Variants in DDX52 observed in about 807,000 individuals in gnomAD.
DDX52 encodes probable ATP-dependent RNA helicase DDX52.
A neutral mutation model predicts 76.1 loss-of-function variants in DDX52; 59 were observed. The ratio of observed to expected loss-of-function variants is 0.78; its 90% CI spans 0.63 to 0.96. The LOEUF is 0.96. DDX52 is among the 40% of genes least tolerant of loss of function. The pLI is 0.00. For missense variants in DDX52, 707 were observed against 703.9 expected (o/e 1.00, Z -0.05); for synonymous variants, 231 against 244.1 (o/e 0.95, Z 0.50).
Position 37,614,365 on chromosome 17 carries a change from AAAGT to A in DDX52, c.1743-16_1743-13del. The A allele has an allele frequency of 1.2e-6, 2 of 1,604,626 alleles. No homozygotes were observed. Among genetic ancestry groups the A allele is most frequent in the Non-Finnish European group, 1.7e-6 (2 of 1,177,468 alleles). On this transcript the variant is annotated splice_polypyrimidine_tract_variant and intron_variant, in intron 14 of 14. Transcript: ENST00000617633. Reference sequence around the variant, plus strand: ...CAGTGACCTTTTTCCTGTAAAGAGCAAAGTAAGAAAAATTGAATAAAAAATTCTA... The same window carrying A: ...CAGTGACCTTTTTCCTGTAAAGAGCAAAGAAAAATTGAATAAAAAATTCTA...
intron 6 of DDX52, 128 bp downstream of exon 6, chr17:37,628,433 G>C (rs1027362356): frequency 2.7e-6 from 2 of 730,366 alleles, no homozygotes; most frequent in African/African-American, 3.6e-5. Context: ...GATCGCTTTA[G>C]TTCTTCTAAA....
intron 14 of DDX52, among the ~76,000 whole-genome samples, 193 bp from the exon 15 acceptor site, chr17:37,614,546 C>G (rs1224228024): frequency 6.6e-6 from 1 of 152,186 alleles, no homozygotes; most frequent in Non-Finnish European, 1.5e-5. Flanking sequence ...TGAGGCAGAA[C>G]CATCACAGTA....
At chr17:37,628,915 T>C (rs1277407851) in intron 5 of DDX52, among the ~76,000 whole-genome samples, 2 of 152,188 alleles carry the variant, frequency 1.3e-5, no homozygotes, top group Non-Finnish European at 2.9e-5. Context: ...TTTTGTATTG[T>C]TTTCAGAATA....
chr17:37,616,564 A>G (rs2064428536), intron 14 of DDX52, among the ~76,000 whole-genome samples: 2 of 151,864 alleles, frequency 1.3e-5, no homozygotes, highest in African/African-American at 4.8e-5. Context: ...CTGAGGCACG[A>G]GAATCACTTG....
intron 6 of DDX52, among the ~76,000 whole-genome samples, chr17:37,628,113 G>A (rs2030482499): frequency 6.6e-6 from 1 of 152,106 alleles, no homozygotes; most frequent in Non-Finnish European, 1.5e-5. Context: ...CTGTCTGCCA[G>A]AGTATTTCCA....
chr17:37,628,703 G>A (rs754668811), intron 5 of DDX52, 31 bp from the exon 6 acceptor site: 1 of 1,484,910 alleles, frequency 6.7e-7, no homozygotes, highest in Admixed American at 2.0e-5. Flanking sequence ...AACATTAGCT[G>A]CTAACATACT....
chr17:37,633,278 T>C lies in DDX52; in HGVS notation c.417+10A>G, dbSNP rs747895164. On this transcript the variant is annotated intron_variant, in intron 3 of 14. Coordinates refer to ENST00000617633, the MANE Select transcript of DDX52 (RefSeq NM_007010.5). ...TATATATACTTTTGGCCCCAAAATATTTTTCTAACCTTTTCTTTTCTGAGA... is the reference window on the plus strand; with the variant it reads ...TATATATACTTTTGGCCCCAAAATACTTTTCTAACCTTTTCTTTTCTGAGA... 5.6e-6 allele frequency: 9 copies of C among 1,595,860 alleles called. No homozygotes were observed. The South Asian group carries it at 8.0e-5, about 14-fold the overall frequency.
Position 37,630,125 on chromosome 17 carries a change from C to A in DDX52, c.652G>T (p.Ala218Ser). Residue 218 changes from alanine (A) to serine (S), a missense_variant, in exon 5 of 15, where the codon GCT becomes TCT. Transcript: ENST00000617633. ...SAPTGSGKTL[A>S]FSIPILMQLK... Reference sequence around the variant, plus strand: ...TGCATTAAAATAGGAATGCTAAAAGCTAATGTTTTTCCAGATCCAGTTGGA... The same window carrying A: ...TGCATTAAAATAGGAATGCTAAAAGATAATGTTTTTCCAGATCCAGTTGGA... The A allele has an allele frequency of 6.2e-7, 1 of 1,613,798 alleles. No homozygotes were observed. The highest frequency in any genetic ancestry group is 8.5e-7 in the Non-Finnish European group (1 of 1,179,932).
Position 37,610,051 on chromosome 17 carries a change from C to G in DDX52, c.*4245G>C, listed in dbSNP as rs1405571068. On this transcript the variant is annotated 3_prime_UTR_variant, in exon 15 of 15. Coordinates refer to ENST00000617633, the MANE Select transcript of DDX52 (RefSeq NM_007010.5). ...AGTCCTTTTGTTTTTCCTATTCTTGCAGGCAAGTGCAAAACAGTGGTTTTT... is the reference window on the plus strand; with the variant it reads ...AGTCCTTTTGTTTTTCCTATTCTTGGAGGCAAGTGCAAAACAGTGGTTTTT... The G allele has an allele frequency of 6.6e-6, 1 of 152,190 alleles. No homozygotes were observed. The highest frequency in any genetic ancestry group is 1.9e-4 in the East Asian group (1 of 5,204). 9.4% of individuals were successfully genotyped at this position (152,190 alleles called of 1,614,324 possible).
rs2030600924 is a variant in DDX52 at position 37,630,068 on chromosome 17, C to A, written c.709G>T (p.Ala237Ser). ...TCTCGTGTTGGTGATATAATCAGGG[C>A]TCTGAAGCCTTTATTTGCGGGTTGT... The part of the protein sequence containing the change: ...LKQPANKGFR[A>S]LIISPTRELA... The change falls in exon 5 of 15, where the codon GCC becomes TCC. Residue 237 changes from alanine (A) to serine (S), a missense_variant. Physicochemically the swap from Ala to Ser is moderately conservative, Grantham distance 99. Coordinates refer to ENST00000617633, the MANE Select transcript of DDX52 (RefSeq NM_007010.5). The A allele has an allele frequency of 1.2e-6, 2 of 1,613,794 alleles. No individual in the cohort carries two copies. The highest frequency in any genetic ancestry group is 8.5e-7 in the Non-Finnish European group (1 of 1,179,970).
At chr17:37,623,848 A>G (rs972216180) in intron 9 of DDX52, among the ~76,000 whole-genome samples, 1 of 152,206 alleles carries the variant, frequency 6.6e-6, no homozygotes, top group Non-Finnish European at 1.5e-5. Context: ...GGCAGGGCTT[A>G]GGAGATTTCT....
chr17:37,621,540 G>C lies in DDX52; in HGVS notation c.1228-20C>G. 1 of 1,595,952 alleles carries C rather than the reference G, an allele frequency of 6.3e-7. No homozygotes were observed. The highest frequency in any genetic ancestry group is 2.2e-5 in the East Asian group (1 of 44,654). ...GAAACCCTAAAAGAAGACAAAAATT[G>C]GCATACATAACTCAATCAAGAATAC... On this transcript the variant is annotated intron_variant, in intron 9 of 14. Transcript: ENST00000617633.
intron 13 of DDX52, among the ~76,000 whole-genome samples, chr17:37,618,728 G>A (rs571246440): frequency 2.8e-4 from 43 of 152,096 alleles, no homozygotes; most frequent in South Asian, 8.3e-4. Flanking sequence ...CTCAGGTCCC[G>A]CCCGCCTCGG....
Position 37,633,319 on chromosome 17 carries a change from G to C in DDX52, c.386C>G (p.Ser129Cys), listed in dbSNP as rs770283223. ...TTTTCTGAGATTCTCCAACTTTCCG[G>C]AAGTTAGTTTACTTTCTCTCTGAAC... ...KKVQRESKLT[S>C]GKLENLRKEK... Residue 129 changes from serine to cysteine, a missense_variant, in exon 3 of 15, where the codon TCC becomes TGC. Ser to Cys is a moderately radical substitution (Grantham distance 112). Coordinates refer to ENST00000617633, the MANE Select transcript of DDX52 (RefSeq NM_007010.5). 1.2e-6 allele frequency: 2 copies of C among 1,610,360 alleles called. No homozygotes were observed. The highest frequency in any genetic ancestry group is 1.7e-6 in the Non-Finnish European group (2 of 1,178,724).
rs1037442143 is a variant in DDX52, at chr17:37,621,279, T to C, written c.1351-2A>G. 8.7e-6 allele frequency: 14 copies of C among 1,605,522 alleles called. No homozygotes were observed. Among genetic ancestry groups the C allele is most frequent in the Non-Finnish European group, 1.0e-5 (12 of 1,177,278 alleles). On this transcript the variant is annotated splice_acceptor_variant, in intron 10 of 14. Coordinates refer to ENST00000617633, the MANE Select transcript of DDX52 (RefSeq NM_007010.5). LOFTEE classifies it high-confidence loss of function. Reference sequence around the variant, plus strand: ...GAAACTGTGGACTGTGTTATCTCTCTGGTTAACAGAATATATATTAAATTG... The same window carrying C: ...GAAACTGTGGACTGTGTTATCTCTCCGGTTAACAGAATATATATTAAATTG...
chr17:37,638,761 GT>G (rs1166562627), intron 2 of DDX52, among the ~76,000 whole-genome samples: 5 of 132,854 alleles, frequency 3.8e-5, no homozygotes, highest in Non-Finnish European at 6.2e-5. Flanking sequence ...CATGGAAGTT[GT>G]TTTTTTTCTT....
intron 5 of DDX52, among the ~76,000 whole-genome samples, chr17:37,629,269 ACAC>A (rs1427831978): frequency 7.2e-6 from 1 of 139,732 alleles, no homozygotes; most frequent in Non-Finnish European, 1.5e-5. Context: ...ACACACACAC[ACAC>A]ACACATAGTA....
At chr17:37,617,045 CTATTT>C (rs1390653328) in intron 14 of DDX52, among the ~76,000 whole-genome samples, 1 of 152,108 alleles carries the variant, frequency 6.6e-6, no homozygotes, top group East Asian at 1.9e-4. Context: ...CTCTTATCTC[CTATTT>C]TATTTAAAAG....
chr17:37,628,769 A>C lies in DDX52; in HGVS notation c.748-97T>G, dbSNP rs1184552149. On this transcript the variant is annotated intron_variant, in intron 5 of 14. Coordinates refer to ENST00000617633, the MANE Select transcript of DDX52 (RefSeq NM_007010.5). ...AATGAAATAAATCTATTACCAACCC[A>C]TGAATATCTGAAATTAAACTCATAA... 5 of 859,286 alleles carry C rather than the reference A, an allele frequency of 5.8e-6. 1 individual carries two copies. Among genetic ancestry groups the C allele is most frequent in the Non-Finnish European group, 8.7e-6 (5 of 572,562 alleles). The allele number at this position is 859,286 out of a possible 1,614,324, so 53.2% of individuals were successfully genotyped here. A position where few individuals can be genotyped will look rare whatever the true frequency, so the allele number is the denominator to read the frequency against.
Sources: gnomAD v4.1 joint callset for allele counts (sites outside exome capture counted in the v4.1 genomes callset) on GRCh38, gnomAD v4.1.1 for gene constraint, MANE v1.5 for transcripts, NCBI Gene and HGNC (gene_info 2026-07-23, HGNC 2026-07-21) for gene names.